CACNB4: variants seen among roughly 807,000 people sequenced by gnomAD.
CACNB4 encodes voltage-dependent L-type calcium channel subunit beta-4.
A neutral mutation model predicts 71.2 loss-of-function variants in CACNB4; 32 were observed. The observed-to-expected ratio is 0.45, with a 90% confidence interval of 0.34 to 0.60. The LOEUF is 0.60. CACNB4 is among the 20% of genes least tolerant of loss of function. The probability of loss-of-function intolerance (pLI) is 0.01; values close to 1 mark genes in which losing one functional copy is unlikely to be tolerated. For synonymous variants in CACNB4, 231 were observed against 236.9 expected (o/e 0.97, Z 0.23); for missense variants, 464 against 647.9 (o/e 0.72, Z 3.08).
At position 152,054,763 on chromosome 2, in the gene CACNB4, T is replaced by G. The variant is rs1399731946; in HGVS notation, c.147+43567A>C. Among the ~76,000 whole-genome samples, 3 of 152,218 alleles carry G rather than the reference T, an allele frequency of 2.0e-5. 1 individual carries two copies. Among genetic ancestry groups the G allele is most frequent in the Admixed American group, 2.0e-4 (3 of 15,274 alleles). Reference sequence around the variant, plus strand: ...TCTGTCTTTTTTATTATAGCCATCCTAGTGGGTGTAAAGTGGCATGTCATT... The same window carrying G: ...TCTGTCTTTTTTATTATAGCCATCCGAGTGGGTGTAAAGTGGCATGTCATT... On this transcript the variant is annotated intron_variant, in intron 2 of 13. Transcript: ENST00000539935.
chr2:151,883,452 C>A, intron 2 of CACNB4, 82 bp from the exon 3 acceptor site: 3 of 1,456,718 alleles, frequency 2.1e-6, no homozygotes, highest in Non-Finnish European at 2.9e-6. Context: ...GGGGCGAGTT[C>A]TTTTTCATTT....
At chr2:151,874,272 A>T (rs2099845373) in intron 5 of CACNB4, 1 of 152,200 alleles carries the variant, frequency 6.6e-6, no homozygotes, top group African/African-American at 2.4e-5. Flanking sequence ...GTTCGAGACC[A>T]GCCTGACCAA....
At chr2:151,946,901 C>G (rs79480125) in intron 2 of CACNB4, among the ~76,000 whole-genome samples, 1 of 152,198 alleles carries the variant, frequency 6.6e-6, no homozygotes, top group Non-Finnish European at 1.5e-5. Context: ...TATTATGACT[C>G]TGAAGGACGG....
At chr2:151,971,326 C>T in intron 2 of CACNB4, 1 of 594,450 alleles carries the variant, frequency 1.7e-6, no homozygotes, top group Non-Finnish European at 3.0e-6. Flanking sequence ...CACAAGTTAA[C>T]CCCCACACAC....
intron 9 of CACNB4, chr2:151,866,552 T>C (rs2099843170): frequency 6.6e-6 from 1 of 152,274 alleles, no homozygotes; most frequent in South Asian, 2.1e-4. Context: ...CATGATGTTA[T>C]AGCTCAAAAC....
chr2:151,875,409 A>G lies in CACNB4; in HGVS notation c.521+1017T>C, dbSNP rs539549410. On this transcript the variant is annotated intron_variant, in intron 5 of 13. Transcript: ENST00000539935. ...TGTCTACTTCTTTCTACACAGACACAGCAACCATCCGATTTCTCAATCTTT... is the reference window on the plus strand; with the variant it reads ...TGTCTACTTCTTTCTACACAGACACGGCAACCATCCGATTTCTCAATCTTT... Among the ~76,000 whole-genome samples, 1,342 of 148,262 alleles carry G rather than the reference A, an allele frequency of 9.1e-3. 16 individuals carry two copies. The highest frequency in any genetic ancestry group is 0.031 in the African/African-American group (1,240 of 40,178).
At chr2:151,880,767 C>G (rs369081409) in intron 4 of CACNB4, 33 bp downstream of exon 4, 1 of 1,595,910 alleles carries the variant, frequency 6.3e-7, no homozygotes, top group Non-Finnish European at 8.5e-7. Flanking sequence ...AGCTTTTTGG[C>G]AGGTGAAGGG....
rs779983066 is a variant in CACNB4, at chr2:151,839,166, G to A, written c.1516C>T (p.Arg506Ter). 6.8e-6 allele frequency: 11 copies of A among 1,613,530 alleles called. No individual in the cohort carries two copies. The highest frequency in any genetic ancestry group is 2.2e-5 in the East Asian group (1 of 44,870). ...TGGCTATATCCCCCAGGTGATCCTCGGTTCCTATGGGGTTTGTAAGTGTCC... is the reference window on the plus strand; with the variant it reads ...TGGCTATATCCCCCAGGTGATCCTCAGTTCCTATGGGGTTTGTAAGTGTCC... ...YQDTYKPHRNRGSPGGYSHDS... is the reference protein window; with the variant it reads ...YQDTYKPHRN Residue 506 changes from arginine to a stop codon, truncating the protein, a stop_gained, in exon 14 of 14, where the codon CGA becomes TGA. Coordinates refer to ENST00000539935, the MANE Select transcript of CACNB4 (RefSeq NM_000726.5). LOFTEE classifies it high-confidence loss of function.
At chr2:151,959,561 C>T (rs140338908) in intron 2 of CACNB4, among the ~76,000 whole-genome samples, 237 of 152,292 alleles carry the variant, frequency 1.6e-3, no homozygotes, top group African/African-American at 5.5e-3. Flanking sequence ...ACTAGTTGTA[C>T]ATCTTACAGC....
At chr2:152,095,079 C>T (rs1688192795) in intron 2 of CACNB4, among the ~76,000 whole-genome samples, 1 of 152,188 alleles carries the variant, frequency 6.6e-6, no homozygotes, top group African/African-American at 2.4e-5. Flanking sequence ...CGGCAAAGTA[C>T]TTCATCTTCT....
chr2:151,886,262 T>C (rs898770125), intron 2 of CACNB4, among the ~76,000 whole-genome samples: 6 of 152,072 alleles, frequency 3.9e-5, no homozygotes, highest in African/African-American at 7.3e-5. Flanking sequence ...GGTACGTAAG[T>C]CAGGAAGAAG....
At chr2:151,865,853 T>C (rs1181264211) in intron 9 of CACNB4, 1 of 151,742 alleles carries the variant, frequency 6.6e-6, no homozygotes, top group African/African-American at 2.4e-5. Context: ...TGGCATGATC[T>C]TGGCTCACCG....
intron 2 of CACNB4, among the ~76,000 whole-genome samples, chr2:152,032,961 A>AT (rs1553817018): frequency 1.1e-4 from 12 of 111,742 alleles, no homozygotes; most frequent in South Asian, 5.5e-4. Flanking sequence ...CTCTTAAAAA[A>AT]AAAATAAATA....
Position 151,855,505 on chromosome 2 carries a change from T to C in CACNB4, c.869-130A>G, listed in dbSNP as rs995178133. The stretch of plus-strand genomic sequence containing the variant: ...AAAACATTTTAAATTTTCATAGTCC[T>C]GTCTAATTTAAGACATTTTCTAAAT... On this transcript the variant is annotated intron_variant, in intron 10 of 13. Coordinates refer to ENST00000539935, the MANE Select transcript of CACNB4 (RefSeq NM_000726.5). The C allele has an allele frequency of 2.8e-5, 19 of 681,268 alleles. No homozygotes were observed. The Admixed American group carries it at 4.1e-4, about 15-fold the overall frequency. The allele number at this position is 681,268 out of a possible 1,614,324, so 42.2% of individuals were successfully genotyped here. A position where few individuals can be genotyped will look rare whatever the true frequency, so the allele number is the denominator to read the frequency against.
rs115137627 is a variant in CACNB4, at chr2:151,834,435, A to C, written c.*4684T>G. ...ACAGCCCTTAGGATTATCTGATGAG[A>C]TACTTTCTAGTCTTCTCATAATGTC... On this transcript the variant is annotated 3_prime_UTR_variant, in exon 14 of 14. Transcript: ENST00000539935. 6.7e-4 allele frequency: 102 copies of C among 152,102 alleles called. No homozygotes were observed. Among genetic ancestry groups the C allele is most frequent in the African/African-American group, 2.3e-3 (97 of 41,558 alleles). The allele number at this position is 152,102 out of a possible 1,614,324, so 9.4% of individuals were successfully genotyped here.
chr2:152,063,827 T>C (rs1448860174), intron 2 of CACNB4, among the ~76,000 whole-genome samples: 1 of 152,172 alleles, frequency 6.6e-6, no homozygotes, highest in Non-Finnish European at 1.5e-5. Context: ...CCTAGAAGAA[T>C]GAAAAGCCAG....
At chr2:151,937,434 G>A (rs1246486839) in intron 2 of CACNB4, among the ~76,000 whole-genome samples, 1 of 152,178 alleles carries the variant, frequency 6.6e-6, no homozygotes, top group African/African-American at 2.4e-5. Context: ...CTGGCTACCT[G>A]GAGATAAAGG....
chr2:152,095,316 T>C (rs957911830), intron 2 of CACNB4, among the ~76,000 whole-genome samples: 14 of 152,310 alleles, frequency 9.2e-5, no homozygotes, highest in African/African-American at 3.1e-4. Context: ...TATGTGCATA[T>C]ATAGTCTCAG....
chr2:152,038,342 T>C (rs1684701814), intron 2 of CACNB4, among the ~76,000 whole-genome samples: 1 of 152,228 alleles, frequency 6.6e-6, no homozygotes, highest in South Asian at 2.1e-4. Context: ...GTTCTGCTGC[T>C]TGCCTTTGGC....
Sources: allele counts gnomAD v4.1 joint callset (sites outside exome capture counted in the v4.1 genomes callset), GRCh38; gene constraint gnomAD v4.1.1; transcripts MANE v1.5; gene names NCBI Gene and HGNC (gene_info 2026-07-23, HGNC 2026-07-21).